Variants in CDK14 observed in about 807,000 individuals in gnomAD.
The protein encoded by CDK14 is cyclin-dependent kinase 14.
Under a neutral mutation model 60.7 loss-of-function variants are expected in CDK14, and 34 were observed. The ratio of observed to expected loss-of-function variants is 0.56; its 90% CI spans 0.43 to 0.75. CDK14 has a LOEUF of 0.75. Ranked by LOEUF, CDK14 falls within the 30% of genes least tolerant of loss-of-function variation. CDK14 has a pLI of 0.00. For missense variants in CDK14, 482 were observed against 564.1 expected, an observed-to-expected ratio of 0.85 and a Z score of 1.47; for synonymous variants, 197 against 203.7, an observed-to-expected ratio of 0.97 and a Z score of 0.28.
At chr7:91,076,242 CAAAAAAAAAAAAAAAAAAAA>C (rs564729987) in intron 11 of CDK14, among the ~76,000 whole-genome samples, 9 of 28,758 alleles carry the variant, frequency 3.1e-4, no homozygotes, top group Non-Finnish European at 6.2e-4. Flanking sequence ...CTACAGTAAC[CAAAAAAAAAAAAAAAAAAAA>C]AAAAAAAAAA....
intron 2 of CDK14, among the ~76,000 whole-genome samples, chr7:90,668,872 CTATTTTTTTTTTGTTTATT>C (rs1801044578): frequency 6.8e-6 from 1 of 148,054 alleles, no homozygotes; most frequent in Admixed American, 6.8e-5. Flanking sequence ...CCGTGCCTGG[CTATTTTTTTTTTGTTTATT>C]TATTTTTTTT....
At chr7:91,128,202 G>T (rs1800010009) in intron 14 of CDK14, among the ~76,000 whole-genome samples, 1 of 152,112 alleles carries the variant, frequency 6.6e-6, no homozygotes, top group Non-Finnish European at 1.5e-5. Context: ...TTGTTAAATA[G>T]CCAAGGCTTG....
At chr7:90,962,032 C>T (rs1171535695) in intron 9 of CDK14, among the ~76,000 whole-genome samples, 1 of 152,208 alleles carries the variant, frequency 6.6e-6, no homozygotes, top group African/African-American at 2.4e-5. Context: ...ACTCAAATTC[C>T]TTGTTACAAA....
intron 1 of CDK14, among the ~76,000 whole-genome samples, chr7:90,603,231 A>G (rs1315315677): frequency 6.6e-6 from 1 of 152,214 alleles, no homozygotes; most frequent in Non-Finnish European, 1.5e-5. Flanking sequence ...GTAAAATGTA[A>G]GGAACTAGAT....
intron 12 of CDK14, among the ~76,000 whole-genome samples, chr7:91,097,545 A>G (rs1326346470): frequency 2.6e-5 from 4 of 151,924 alleles, no homozygotes; most frequent in Admixed American, 6.6e-5. Context: ...TATACATTCC[A>G]GGATTTTCTG....
intron 10 of CDK14, among the ~76,000 whole-genome samples, chr7:91,001,913 G>A (rs1467955161): frequency 6.6e-6 from 1 of 152,182 alleles, no homozygotes; most frequent in Non-Finnish European, 1.5e-5. Flanking sequence ...TTAACCATTT[G>A]TAATGAACTA....
chr7:90,624,439 C>G (rs1799835338), intron 2 of CDK14, among the ~76,000 whole-genome samples: 1 of 152,100 alleles, frequency 6.6e-6, no homozygotes, highest in Admixed American at 6.5e-5. Flanking sequence ...TTTCTGTGTT[C>G]TAGATTTATG....
intron 8 of CDK14, among the ~76,000 whole-genome samples, chr7:90,946,663 G>C (rs1450571626): frequency 6.6e-6 from 1 of 152,040 alleles, no homozygotes; most frequent in Non-Finnish European, 1.5e-5. Context: ...TTATCTCATG[G>C]AATGTTTTAA....
At chr7:90,602,279 G>A (rs185890813) in intron 1 of CDK14, among the ~76,000 whole-genome samples, 66 of 152,262 alleles carry the variant, frequency 4.3e-4, no homozygotes, top group Non-Finnish European at 8.4e-4. Context: ...CATAGTGCGC[G>A]TGTTCCATTA....
At chr7:91,049,639 G>T (rs190314785) in intron 11 of CDK14, among the ~76,000 whole-genome samples, 3 of 152,106 alleles carry the variant, frequency 2.0e-5, no homozygotes, top group Admixed American at 2.0e-4. Flanking sequence ...CTATGATCTA[G>T]GCCATGAATA....
At chr7:91,088,820 T>G (rs1190507711) in intron 12 of CDK14, among the ~76,000 whole-genome samples, 1 of 152,166 alleles carries the variant, frequency 6.6e-6, no homozygotes, top group East Asian at 1.9e-4. Context: ...GATTTCCCAC[T>G]CTTCCTGCAA....
chr7:90,735,444 G>C (rs1803055716), intron 3 of CDK14, among the ~76,000 whole-genome samples: 1 of 152,188 alleles, frequency 6.6e-6, no homozygotes, highest in Non-Finnish European at 1.5e-5. Flanking sequence ...CTGTCCCAGG[G>C]AGATGGGGGT....
intron 9 of CDK14, among the ~76,000 whole-genome samples, chr7:90,970,005 C>A (rs1312978739): frequency 6.8e-6 from 1 of 146,430 alleles, no homozygotes; most frequent in Non-Finnish European, 1.5e-5. Context: ...CTCACTCTGT[C>A]GCCCAGGCTG....
intron 14 of CDK14, among the ~76,000 whole-genome samples, chr7:91,136,283 C>T (rs10257184): frequency 0.55 from 83,889 of 151,854 alleles, 24,927 homozygotes; most frequent in East Asian, 0.98. Flanking sequence ...TACTCTCCAC[C>T]GTAAGTTTTT....
intron 10 of CDK14, among the ~76,000 whole-genome samples, chr7:91,004,829 C>G (rs1795936400): frequency 6.6e-6 from 1 of 152,186 alleles, no homozygotes; most frequent in Non-Finnish European, 1.5e-5. Flanking sequence ...GTCAAAACCA[C>G]ACTATAATTT....
At chr7:90,708,688 C>G (rs1801955753) in intron 2 of CDK14, among the ~76,000 whole-genome samples, 1 of 152,164 alleles carries the variant, frequency 6.6e-6, no homozygotes, top group Non-Finnish European at 1.5e-5. Flanking sequence ...TTCTCATCAT[C>G]ATTGTATACC....
chr7:90,611,500 C>G (rs1799537237), intron 2 of CDK14, among the ~76,000 whole-genome samples: 1 of 152,222 alleles, frequency 6.6e-6, no homozygotes, highest in Admixed American at 6.5e-5. Flanking sequence ...AGCTAAAAAC[C>G]TGATGCTATC....
chr7:90,685,522 G>A (rs563057816), intron 2 of CDK14, among the ~76,000 whole-genome samples: 1 of 151,852 alleles, frequency 6.6e-6, no homozygotes, highest in African/African-American at 2.4e-5. Context: ...CTGTCACCCA[G>A]GCTGGAGTGT....
intron 14 of CDK14, among the ~76,000 whole-genome samples, chr7:91,183,017 G>C (rs972632722): frequency 5.3e-5 from 8 of 152,112 alleles, no homozygotes; most frequent in Non-Finnish European, 7.3e-5. Context: ...TGAGAGTCGC[G>C]TTGCAAACTT....
Sources: allele counts gnomAD v4.1 joint callset (sites outside exome capture counted in the v4.1 genomes callset), GRCh38; gene constraint gnomAD v4.1.1; transcripts MANE v1.5; gene names NCBI Gene and HGNC (gene_info 2026-07-23, HGNC 2026-07-21).